The following SOCS2 variants were observed in gnomAD, a reference collection of about 807,000 sequenced individuals.
SOCS2 encodes the protein suppressor of cytokine signaling 2, also known as CIS-2.
A neutral mutation model predicts 18.6 loss-of-function variants in SOCS2; 10 were observed. The ratio of observed to expected loss-of-function variants is 0.54; its 90% CI spans 0.33 to 0.91. The LOEUF (loss-of-function observed/expected upper bound fraction) is 0.91, where lower values mean the gene tolerates loss of function less well. Among genes scored for constraint, SOCS2 ranks in the 40% least tolerant of loss-of-function variants. The pLI is 0.02. For missense variants in SOCS2, 231 were observed against 247.2 expected, an observed-to-expected ratio of 0.93 and a Z score of 0.44; for synonymous variants, 104 against 104.0, an observed-to-expected ratio of 1.00 and a Z score of 0.00.
downstream of SOCS2, among the ~76,000 whole-genome samples, chr12:93,584,695 C>A (rs976142955): frequency 6.6e-6 from 1 of 152,068 alleles, no homozygotes; most frequent in Non-Finnish European, 1.5e-5. Flanking sequence ...AGAAGTAATG[C>A]AAGATCTGCC....
At chr12:93,620,974 G>A in the SOCS2 span, among the ~76,000 whole-genome samples, 2 of 152,194 alleles carry the variant, frequency 1.3e-5, no homozygotes, top group Non-Finnish European at 2.9e-5. Flanking sequence ...ATCCAAGTCT[G>A]CACTACTTGG....
At chr12:93,621,507 G>C in the SOCS2 span, among the ~76,000 whole-genome samples, 1 of 151,940 alleles carries the variant, frequency 6.6e-6, no homozygotes, top group Admixed American at 6.6e-5. Context: ...TTTTGAGACA[G>C]AGTCTCACTC....
chr12:93,572,794 A>G lies in SOCS2; in HGVS notation c.-104A>G. ...TCTGCCACCATTTCGGACACCCCGCAGGGACTCGTTTTGGGATTCGCACTG... is the reference window on the plus strand; with the variant it reads ...TCTGCCACCATTTCGGACACCCCGCGGGGACTCGTTTTGGGATTCGCACTG... On this transcript the variant is annotated 5_prime_UTR_variant, in exon 1 of 2. Coordinates refer to ENST00000551556, the MANE Select transcript of SOCS2 (RefSeq NM_001270471.2). This position sits in a 1 kb window ranked among gnomAD's most constrained non-coding sequence, Gnocchi z 5.0. 6.9e-7 allele frequency: 1 copy of G among 1,438,862 alleles called. No individual in the cohort carries two copies. Among genetic ancestry groups the G allele is most frequent in the Non-Finnish European group, 9.5e-7 (1 of 1,048,984 alleles). 89.1% of individuals were successfully genotyped at this position (1,438,862 alleles called of 1,614,324 possible).
At chr12:93,595,044 T>A in the SOCS2 span, among the ~76,000 whole-genome samples, 3 of 152,148 alleles carry the variant, frequency 2.0e-5, no homozygotes, top group African/African-American at 7.2e-5. Context: ...ACACTTAGAT[T>A]TATTAGGGTA....
At chr12:93,612,144 T>G in the SOCS2 span, among the ~76,000 whole-genome samples, 1 of 152,182 alleles carries the variant, frequency 6.6e-6, no homozygotes, top group African/African-American at 2.4e-5. Context: ...AAAGGATGTA[T>G]CTAAACTGCT....
At chr12:93,590,783 C>CAAAAAAAAAAAAAAAAAA in the SOCS2 span, among the ~76,000 whole-genome samples, 7 of 38,950 alleles carry the variant, frequency 1.8e-4, 2 homozygotes, top group African/African-American at 8.3e-4. Context: ...GACTCCGCCT[C>CAAAAAAAAAAAAAAAAAA]AAAAAAAAAA....
chr12:93,595,620 C>T, the SOCS2 span, among the ~76,000 whole-genome samples: 17 of 152,304 alleles, frequency 1.1e-4, no homozygotes, highest in East Asian at 3.9e-4. Flanking sequence ...TAGTTCATGA[C>T]CAAAAGAAAA....
the SOCS2 span, among the ~76,000 whole-genome samples, chr12:93,623,253 T>G: frequency 6.6e-6 from 1 of 152,038 alleles, no homozygotes; most frequent in Non-Finnish European, 1.5e-5. Context: ...CTCACTCCTT[T>G]CTCCTGCTGC....
At chr12:93,609,882 G>A in the SOCS2 span, among the ~76,000 whole-genome samples, 2 of 152,160 alleles carry the variant, frequency 1.3e-5, no homozygotes, top group Non-Finnish European at 2.9e-5. Context: ...CCAATGTCAA[G>A]GTGCTGATAT....
At chr12:93,595,595 C>T in the SOCS2 span, among the ~76,000 whole-genome samples, 149 of 152,292 alleles carry the variant, frequency 9.8e-4, no homozygotes, top group African/African-American at 2.6e-3. Flanking sequence ...TGCTTTCATT[C>T]GTGTTAAATT....
downstream of SOCS2, among the ~76,000 whole-genome samples, chr12:93,584,057 G>T (rs1335495925): frequency 6.6e-6 from 1 of 152,216 alleles, no homozygotes; most frequent in Non-Finnish European, 1.5e-5. Flanking sequence ...TGGTTTTACA[G>T]CCAGAGAGGA....
Position 93,572,908 on chromosome 12 carries a change from G to A in SOCS2, c.11G>A (p.Arg4Gln), listed in dbSNP as rs868139050. 12 of 1,578,348 alleles carry A rather than the reference G, an allele frequency of 7.6e-6. No homozygotes were observed. The highest frequency in any genetic ancestry group is 1.0e-5 in the Non-Finnish European group (12 of 1,161,702). Residue 4 changes from arginine (R) to glutamine (Q), a missense_variant, in exon 1 of 2, where the codon CGG becomes CAG. By Grantham distance (43) the Arg-to-Gln change is conservative (BLOSUM62 1). This residue lies in a region of SOCS2 where 106 missense variants were observed against 103.8 expected (regional missense o/e 1.02). Coordinates refer to ENST00000551556, the MANE Select transcript of SOCS2 (RefSeq NM_001270471.2). This position sits in a 1 kb window ranked among gnomAD's most constrained non-coding sequence, Gnocchi z 5.0. ...GGTGACCCTTCTCTCATGACCCTGC[G>A]GTGCCTTGAGCCCTCCGGGAATGGC... is the stretch of plus-strand genomic sequence containing the variant. The part of the protein sequence containing the change: MTL[R>Q]CLEPSGNGGE...
chr12:93,586,605 C>G (rs1042668204), downstream of SOCS2, among the ~76,000 whole-genome samples: 1 of 152,188 alleles, frequency 6.6e-6, no homozygotes, highest in African/African-American at 2.4e-5. Flanking sequence ...GACAGTTATG[C>G]TCTACTACAT....
chr12:93,601,435 C>T, the SOCS2 span, among the ~76,000 whole-genome samples: 3 of 151,606 alleles, frequency 2.0e-5, no homozygotes, highest in Admixed American at 6.6e-5. Context: ...CCACCATGGC[C>T]GGCTTTTCAG....
At chr12:93,619,205 G>T in the SOCS2 span, among the ~76,000 whole-genome samples, 1 of 152,174 alleles carries the variant, frequency 6.6e-6, no homozygotes, top group Non-Finnish European at 1.5e-5. Flanking sequence ...TGGCAACGCA[G>T]GGGACAAGCG....
the SOCS2 span, among the ~76,000 whole-genome samples, chr12:93,593,312 A>C: frequency 2.6e-5 from 4 of 152,238 alleles, no homozygotes; most frequent in Admixed American, 2.6e-4. Context: ...CTACTCAGAA[A>C]CACAGCATCT....
chr12:93,573,744 CA>C (rs368392922), intron 1 of SOCS2: 4 of 152,202 alleles, frequency 2.6e-5, no homozygotes, highest in African/African-American at 9.7e-5. Flanking sequence ...TTGGTAGCAA[CA>C]GGGGGAGGGA....
At chr12:93,618,953 C>G in the SOCS2 span, among the ~76,000 whole-genome samples, 1 of 152,150 alleles carries the variant, frequency 6.6e-6, no homozygotes, top group South Asian at 2.1e-4. Flanking sequence ...GCTGGGCCTG[C>G]AGGCACACAC....
the SOCS2 span, among the ~76,000 whole-genome samples, chr12:93,624,539 T>C: frequency 1.3e-5 from 2 of 151,008 alleles, no homozygotes; most frequent in African/African-American, 4.9e-5. Flanking sequence ...ACCACTGCAC[T>C]CAGCCTGGCA....
Sources: gnomAD v4.1 joint callset for allele counts (sites outside exome capture counted in the v4.1 genomes callset) on GRCh38, gnomAD v4.1.1 for gene constraint, gnomAD v4.1.1 regional missense constraint, Gnocchi (gnomAD v3.1) non-coding constraint, MANE v1.5 for transcripts, NCBI Gene and HGNC (gene_info 2026-07-23, HGNC 2026-07-21) for gene names.